RFX2: variants seen among roughly 807,000 people sequenced by gnomAD.
The protein encoded by RFX2 is DNA-binding protein RFX2.
RFX2 carries 20 observed loss-of-function variants against 87.8 expected under a neutral mutation model. That is an observed-to-expected ratio of 0.23 (90% CI 0.16 to 0.33). The LOEUF (loss-of-function observed/expected upper bound fraction) is 0.33, where lower values mean the gene tolerates loss of function less well. Among genes scored for constraint, RFX2 ranks in the 10% least tolerant of loss-of-function variants. RFX2 has a pLI of 1.00. For synonymous variants in RFX2, 397 were observed against 431.3 expected, an observed-to-expected ratio of 0.92 and a Z score of 0.98; for missense variants, 767 against 1,012.3, an observed-to-expected ratio of 0.76 and a Z score of 3.29.
At chr19:6,102,747 C>T (rs1013063085) in intron 1 of RFX2, among the ~76,000 whole-genome samples, 3 of 152,240 alleles carry the variant, frequency 2.0e-5, no homozygotes, top group Admixed American at 2.0e-4. Flanking sequence ...TTAAAAACTG[C>T]TGGACGCCAG....
rs541377342 is a variant in RFX2 at position 6,031,573 on chromosome 19, G to A, written c.523-5336C>T. Among the ~76,000 whole-genome samples, 23 of 151,488 alleles carry A rather than the reference G, an allele frequency of 1.5e-4. No homozygotes were observed. The East Asian group carries it at 4.5e-3, about 30-fold the overall frequency. On this transcript the variant is annotated intron_variant, in intron 5 of 17. Transcript: ENST00000303657. ...GCCTCCCGAGCAGCTGGGATTACAGGTGCCCGCCACCATGCTCAGCTCATT... is the reference window on the plus strand; with the variant it reads ...GCCTCCCGAGCAGCTGGGATTACAGATGCCCGCCACCATGCTCAGCTCATT...
chr19:6,064,041 A>G lies in RFX2; in HGVS notation c.-8-16537T>C, dbSNP rs1318546958. On this transcript the variant is annotated intron_variant, in intron 1 of 17. Transcript: ENST00000303657. This position sits in a 1 kb window ranked among gnomAD's most constrained non-coding sequence, Gnocchi z 4.8. ...CTTCTTGGCCAGCCAGCCCTTCTTGAGAAAACAAAGTCTGGATCTATGTCA... is the reference window on the plus strand; with the variant it reads ...CTTCTTGGCCAGCCAGCCCTTCTTGGGAAAACAAAGTCTGGATCTATGTCA... 1.3e-5 allele frequency among the ~76,000 whole-genome samples: 2 copies of G among 152,208 alleles called. No individual in the cohort carries two copies. The highest frequency in any genetic ancestry group is 4.8e-5 in the African/African-American group (2 of 41,454).
intron 4 of RFX2, among the ~76,000 whole-genome samples, chr19:6,041,796 C>T (rs1182786270): frequency 1.3e-5 from 2 of 152,018 alleles, no homozygotes; most frequent in African/African-American, 4.8e-5. Flanking sequence ...AACTCCTGGG[C>T]TCATGCGATC....
At chr19:5,995,699 G>T in intron 16 of RFX2, 56 bp from the exon 17 acceptor site, 1 of 1,477,284 alleles carries the variant, frequency 6.8e-7, no homozygotes, top group Non-Finnish European at 9.3e-7. Flanking sequence ...GTTGCTGTTT[G>T]GGGGCTCGGG....
At chr19:6,053,322 T>C (rs2087288978) in intron 1 of RFX2, among the ~76,000 whole-genome samples, 1 of 152,170 alleles carries the variant, frequency 6.6e-6, no homozygotes, top group African/African-American at 2.4e-5. Context: ...AAAAGATCAG[T>C]GGTTGCCAGG....
intron 1 of RFX2, among the ~76,000 whole-genome samples, chr19:6,099,687 T>C (rs1011307489): frequency 7.2e-5 from 11 of 152,168 alleles, no homozygotes; most frequent in African/African-American, 2.7e-4. Context: ...TCCAGAACCT[T>C]GTCACAATCA....
At chr19:6,057,613 G>C (rs959415702) in intron 1 of RFX2, among the ~76,000 whole-genome samples, 1 of 152,158 alleles carries the variant, frequency 6.6e-6, no homozygotes, top group Non-Finnish European at 1.5e-5. Context: ...GATGAGCCTC[G>C]GTGTTTGGGA....
rs562900501 is a variant in RFX2, at chr19:5,997,371, C to T, written c.1860-158G>A. ...ACGTGCAGGCCTACGCGGGGGCTGA[C>T]GGGCTGCCGAGACCCTGGGCCCACG... On this transcript the variant is annotated intron_variant, in intron 15 of 17. Coordinates refer to ENST00000303657, the MANE Select transcript of RFX2 (RefSeq NM_000635.4). This position sits in a 1 kb window ranked among gnomAD's most constrained non-coding sequence, Gnocchi z 4.2. 8.3e-6 allele frequency: 7 copies of T among 840,660 alleles called. No homozygotes were observed. The highest frequency in any genetic ancestry group is 3.5e-5 in the African/African-American group (2 of 57,740). The allele number at this position is 840,660 out of a possible 1,614,324, so 52.1% of individuals were successfully genotyped here. A position where few individuals can be genotyped will look rare whatever the true frequency, so the allele number is the denominator to read the frequency against.
intron 1 of RFX2, among the ~76,000 whole-genome samples, chr19:6,079,986 A>C (rs1044512943): frequency 6.6e-6 from 1 of 151,998 alleles, no homozygotes; most frequent in East Asian, 1.9e-4. Context: ...AAATTAAAAA[A>C]AAAAAAAGAA....
At chr19:6,082,837 A>G (rs1394415880) in intron 1 of RFX2, among the ~76,000 whole-genome samples, 1 of 152,186 alleles carries the variant, frequency 6.6e-6, no homozygotes, top group Non-Finnish European at 1.5e-5. Flanking sequence ...CGCTGCACTC[A>G]GCGCTTTTCA....
intron 1 of RFX2, among the ~76,000 whole-genome samples, chr19:6,076,666 T>C (rs1427987455): frequency 6.6e-6 from 1 of 152,246 alleles, no homozygotes; most frequent in Non-Finnish European, 1.5e-5. Context: ...TAAATGTTCA[T>C]TAGCGTCATC....
rs754457709 is a variant in RFX2, at chr19:6,001,260, G to A, written c.1859+555C>T. Among the ~76,000 whole-genome samples, 4 of 152,152 alleles carry A rather than the reference G, an allele frequency of 2.6e-5. No homozygotes were observed. The highest frequency in any genetic ancestry group is 4.4e-5 in the Non-Finnish European group (3 of 68,024). Reference sequence around the variant, plus strand: ...GCCTCCTTGTGCCCTTCAGTTCTGAGATAGCTTTGTTCCCCCCTTAGAGAT... The same window carrying A: ...GCCTCCTTGTGCCCTTCAGTTCTGAAATAGCTTTGTTCCCCCCTTAGAGAT... On this transcript the variant is annotated intron_variant, in intron 15 of 17. Transcript: ENST00000303657. This position sits in a 1 kb window ranked among gnomAD's most constrained non-coding sequence, Gnocchi z 5.6.
chr19:6,036,858 G>A (rs2087032431), intron 5 of RFX2, among the ~76,000 whole-genome samples: 1 of 152,080 alleles, frequency 6.6e-6, no homozygotes, highest in Non-Finnish European at 1.5e-5. Flanking sequence ...TGCCACCCCT[G>A]TTCAACATTT....
At position 6,074,887 on chromosome 19, in the gene RFX2, G is replaced by T. The variant is rs1001295281; in HGVS notation, c.-8-27383C>A. Among the ~76,000 whole-genome samples, 2 of 152,146 alleles carry T rather than the reference G, an allele frequency of 1.3e-5. No homozygotes were observed. The highest frequency in any genetic ancestry group is 2.9e-5 in the Non-Finnish European group (2 of 68,022). On this transcript the variant is annotated intron_variant, in intron 1 of 17. Coordinates refer to ENST00000303657, the MANE Select transcript of RFX2 (RefSeq NM_000635.4). This position sits in a 1 kb window ranked among gnomAD's most constrained non-coding sequence, Gnocchi z 5.2. Reference sequence around the variant, plus strand: ...AGAGGGAGCTGGGGGAATGCTGGGGGTTGAATGTTGTGTCCCCTTAAATTC... The same window carrying T: ...AGAGGGAGCTGGGGGAATGCTGGGGTTTGAATGTTGTGTCCCCTTAAATTC...
Position 6,012,233 on chromosome 19 carries a change from GA to G in RFX2, c.899+752del, listed in dbSNP as rs1401630063. On this transcript the variant is annotated intron_variant, in intron 8 of 17. Transcript: ENST00000303657. This position sits in a 1 kb window ranked among gnomAD's most constrained non-coding sequence, Gnocchi z 4.6. ...AGCCACTGGATCCAAAGGTGAAGAA[GA>G]AGTCGTGACTTGAGCACATCTGCTT... 3.3e-5 allele frequency: 5 copies of G among 152,202 alleles called. No homozygotes were observed. The highest frequency in any genetic ancestry group is 1.2e-4 in the African/African-American group (5 of 41,402). The allele number at this position is 152,202 out of a possible 1,614,324, so 9.4% of individuals were successfully genotyped here.
chr19:6,049,742 G>C (rs2087244665), intron 1 of RFX2, among the ~76,000 whole-genome samples: 1 of 152,170 alleles, frequency 6.6e-6, no homozygotes, highest in African/African-American at 2.4e-5. Context: ...TGGTCAGGCT[G>C]GTCTCAAACT....
chr19:6,016,670 C>A lies in RFX2; in HGVS notation c.598-399G>T, dbSNP rs536614333. On this transcript the variant is annotated intron_variant, in intron 6 of 17. Transcript: ENST00000303657. The surrounding 1 kb of genome is among the most constrained non-coding windows in gnomAD (Gnocchi z 5.4). ...CCTCCCAAAGTGCTGGGATTACAGG[C>A]GTGAGCCACCGTGCCTGGCCAGAAA... is the stretch of plus-strand genomic sequence containing the variant. Among the ~76,000 whole-genome samples the A allele has an allele frequency of 2.6e-5, 4 of 152,198 alleles. No individual in the cohort carries two copies. The highest frequency in any genetic ancestry group is 9.6e-5 in the African/African-American group (4 of 41,452).
intron 5 of RFX2, among the ~76,000 whole-genome samples, chr19:6,031,179 A>T (rs893428086): frequency 5.3e-5 from 8 of 152,072 alleles, no homozygotes; most frequent in African/African-American, 1.9e-4. Context: ...ATAGTTTGTC[A>T]TTCTTTCAAG....
chr19:6,028,221 A>G (rs1282299541), intron 5 of RFX2, among the ~76,000 whole-genome samples: 1 of 152,012 alleles, frequency 6.6e-6, no homozygotes, highest in African/African-American at 2.4e-5. Context: ...AAAAACAACA[A>G]AACCAAAAGA....
Sources: allele counts gnomAD v4.1 joint callset (sites outside exome capture counted in the v4.1 genomes callset), GRCh38; gene constraint gnomAD v4.1.1; non-coding constraint Gnocchi (gnomAD v3.1); transcripts MANE v1.5; gene names NCBI Gene and HGNC (gene_info 2026-07-23, HGNC 2026-07-21).